Variants in ZFYVE9 observed in about 807,000 individuals in gnomAD.
The protein encoded by ZFYVE9 is zinc finger FYVE-type containing 9, also known as zinc finger FYVE domain-containing protein 9.
In ZFYVE9, 43 loss-of-function variants were observed where a neutral mutation model predicts 126.7. The observed-to-expected ratio is 0.34, with a 90% CI of 0.27 to 0.44. The LOEUF (loss-of-function observed/expected upper bound fraction) is 0.44, where lower values mean the gene tolerates loss of function less well. Among genes scored for constraint, ZFYVE9 ranks in the 20% least tolerant of loss-of-function variants. ZFYVE9 has a pLI of 1.00. For synonymous variants in ZFYVE9, 521 were observed against 597.4 expected, an observed-to-expected ratio of 0.87 and a Z score of 1.87; for missense variants, 1,476 against 1,697.0, an observed-to-expected ratio of 0.87 and a Z score of 2.29.
At chr1:52,152,120 G>C (rs947568620) in intron 1 of ZFYVE9, among the ~76,000 whole-genome samples, 7 of 151,994 alleles carry the variant, frequency 4.6e-5, no homozygotes, top group African/African-American at 1.5e-4. Flanking sequence ...CTCCTGATTA[G>C]CTGGGATTAC....
At chr1:52,234,649 T>C (rs1344839428) in intron 3 of ZFYVE9, among the ~76,000 whole-genome samples, 1 of 152,196 alleles carries the variant, frequency 6.6e-6, no homozygotes, top group African/African-American at 2.4e-5. Context: ...AGAGGAAGGC[T>C]ACCAGAGTGG....
chr1:52,225,148 T>C (rs1170993538), intron 2 of ZFYVE9, among the ~76,000 whole-genome samples: 1 of 152,226 alleles, frequency 6.6e-6, no homozygotes, highest in Non-Finnish European at 1.5e-5. Flanking sequence ...GTGACGTTTC[T>C]TACCTTGGTC....
intron 1 of ZFYVE9, among the ~76,000 whole-genome samples, chr1:52,194,616 T>TTGTATA (rs906341390): frequency 6.6e-6 from 1 of 152,190 alleles, no homozygotes; most frequent in Non-Finnish European, 1.5e-5. Flanking sequence ...GAAAAAATTC[T>TTGTATA]TGTATATACC....
At chr1:52,282,918 A>G (rs929501129) in intron 10 of ZFYVE9, among the ~76,000 whole-genome samples, 1 of 152,188 alleles carries the variant, frequency 6.6e-6, no homozygotes, top group Non-Finnish European at 1.5e-5. Context: ...AGGATATATA[A>G]TTGTATTTTT....
intron 15 of ZFYVE9, 27 bp from the exon 16 acceptor site, chr1:52,337,745 C>G (rs374612467): frequency 1.1e-5 from 18 of 1,601,160 alleles, no homozygotes; most frequent in Middle Eastern, 1.7e-4. Context: ...TCATTTGCCT[C>G]TCCTTTGGCT....
intron 4 of ZFYVE9, chr1:52,252,642 G>A (rs998891274): frequency 2.7e-5 from 8 of 301,820 alleles, no homozygotes; most frequent in Non-Finnish European, 4.9e-5. Context: ...ACAGGCATGA[G>A]CCACCACGCC....
intron 1 of ZFYVE9, among the ~76,000 whole-genome samples, chr1:52,178,278 C>CAAAAAA (rs78982846): frequency 1.0e-4 from 2 of 19,606 alleles, no homozygotes; most frequent in African/African-American, 1.4e-4. Flanking sequence ...GACTCCATCT[C>CAAAAAA]AAAAAAAAAA....
Position 52,170,579 on chromosome 1 carries a change from A to AT in ZFYVE9, c.-143+28179dup, listed in dbSNP as rs534054924. Reference sequence around the variant, plus strand: ...TTTAAGATGCATCATTAGGTTATTTATTTGAAGGTTTTTCTTTTTTGATGT... The same window carrying AT: ...TTTAAGATGCATCATTAGGTTATTTATTTTGAAGGTTTTTCTTTTTTGATGT... On this transcript the variant is annotated intron_variant, in intron 1 of 18. Transcript: ENST00000287727. Among the ~76,000 whole-genome samples the AT allele has an allele frequency of 9.4e-4, 143 of 151,684 alleles. 1 individual carries two copies. Among genetic ancestry groups the AT allele is most frequent in the African/African-American group, 3.3e-3 (136 of 41,332 alleles).
At chr1:52,170,362 G>A (rs1343240313) in intron 1 of ZFYVE9, among the ~76,000 whole-genome samples, 1 of 151,672 alleles carries the variant, frequency 6.6e-6, no homozygotes, top group Non-Finnish European at 1.5e-5. Context: ...TTTTTTCTTA[G>A]TCTGGCTAAA....
intron 13 of ZFYVE9, among the ~76,000 whole-genome samples, chr1:52,306,810 G>A (rs1646089372): frequency 6.6e-6 from 1 of 152,210 alleles, no homozygotes; most frequent in Non-Finnish European, 1.5e-5. Context: ...AGAGAGCCAG[G>A]GCCTGTGCAG....
intron 10 of ZFYVE9, among the ~76,000 whole-genome samples, chr1:52,287,502 A>G (rs1645873550): frequency 6.6e-6 from 1 of 151,216 alleles, no homozygotes; most frequent in African/African-American, 2.5e-5. Context: ...CCATTAGAAC[A>G]ATATTAGGAG....
intron 1 of ZFYVE9, among the ~76,000 whole-genome samples, chr1:52,201,980 C>T (rs535901998): frequency 1.5e-3 from 223 of 151,640 alleles, no homozygotes; most frequent in Non-Finnish European, 2.6e-3. Context: ...GACAGGGTTT[C>T]GCCACATGGG....
At chr1:52,161,321 G>A (rs911894381) in intron 1 of ZFYVE9, among the ~76,000 whole-genome samples, 1 of 152,000 alleles carries the variant, frequency 6.6e-6, no homozygotes, top group East Asian at 1.9e-4. Context: ...ACAGAGTCTT[G>A]CTCTATCACC....
At chr1:52,250,706 C>G (rs937789432) in intron 4 of ZFYVE9, among the ~76,000 whole-genome samples, 2 of 150,984 alleles carry the variant, frequency 1.3e-5, no homozygotes, top group African/African-American at 4.9e-5. Flanking sequence ...AGCAAAAGTT[C>G]TTTCAGTCTT....
chr1:52,309,204 T>C (rs1008813818), intron 13 of ZFYVE9, among the ~76,000 whole-genome samples: 1 of 152,146 alleles, frequency 6.6e-6, no homozygotes, highest in African/African-American at 2.4e-5. Flanking sequence ...GCAGACGGCA[T>C]GGTGACTCAC....
chr1:52,345,658 A>G (rs1319378605), intron 18 of ZFYVE9: 2 of 157,232 alleles, frequency 1.3e-5, no homozygotes, highest in Middle Eastern at 6.4e-3. Flanking sequence ...GTTGCTCAGA[A>G]TGGTGCATGG....
intron 4 of ZFYVE9, among the ~76,000 whole-genome samples, chr1:52,256,824 C>G (rs1010219712): frequency 8.0e-5 from 12 of 149,626 alleles, no homozygotes; most frequent in African/African-American, 3.0e-4. Flanking sequence ...TAAAGTACTC[C>G]TGCATTTGAC....
intron 10 of ZFYVE9, among the ~76,000 whole-genome samples, chr1:52,285,009 G>A (rs1485289129): frequency 1.3e-5 from 2 of 152,122 alleles, no homozygotes; most frequent in Admixed American, 1.3e-4. Flanking sequence ...ATTGGGACTA[G>A]AAGGCATTTT....
chr1:52,188,689 T>A (rs1437514514), intron 1 of ZFYVE9, among the ~76,000 whole-genome samples: 1 of 152,168 alleles, frequency 6.6e-6, no homozygotes, highest in Non-Finnish European at 1.5e-5. Context: ...TGAGTTGCAT[T>A]GGTTTATATA....
Sources: gnomAD v4.1 joint callset for allele counts (sites outside exome capture counted in the v4.1 genomes callset) on GRCh38, gnomAD v4.1.1 for gene constraint, MANE v1.5 for transcripts, NCBI Gene and HGNC (gene_info 2026-07-23, HGNC 2026-07-21) for gene names.